OPCML: variants seen among roughly 807,000 people sequenced by gnomAD.
OPCML encodes the protein opioid binding protein/cell adhesion molecule like, also known as opioid-binding protein/cell adhesion molecule.
A neutral mutation model predicts 37.8 loss-of-function variants in OPCML; 13 were observed. The observed-to-expected ratio is 0.34, with a 90% CI of 0.22 to 0.55. OPCML has a LOEUF of 0.55. Among genes scored for constraint, OPCML ranks in the 20% least tolerant of loss-of-function variants. OPCML has a pLI of 0.91. For missense variants in OPCML, 341 were observed against 435.6 expected (o/e 0.78, Z 1.93); for synonymous variants, 176 against 168.8 (o/e 1.04, Z -0.33).
intron 4 of OPCML, among the ~76,000 whole-genome samples, chr11:132,450,092 C>A (rs1008206323): frequency 1.3e-5 from 2 of 152,164 alleles, no homozygotes; most frequent in Non-Finnish European, 2.9e-5. Flanking sequence ...GGTCGTCCTC[C>A]AAAGCACCCT....
At chr11:133,404,978 T>C (rs930180305) in intron 1 of OPCML, among the ~76,000 whole-genome samples, 9 of 152,376 alleles carry the variant, frequency 5.9e-5, no homozygotes, top group African/African-American at 1.7e-4. Flanking sequence ...AGTTTCATTA[T>C]GTCTGTGTAT....
intron 3 of OPCML, among the ~76,000 whole-genome samples, chr11:132,548,770 A>C (rs1184119458): frequency 6.6e-6 from 1 of 152,220 alleles, no homozygotes; most frequent in Non-Finnish European, 1.5e-5. Flanking sequence ...GGTGACAGAT[A>C]GGTGCCTCCT....
chr11:132,481,819 A>T (rs1286865538), intron 4 of OPCML, among the ~76,000 whole-genome samples: 4 of 150,904 alleles, frequency 2.7e-5, no homozygotes, highest in Non-Finnish European at 5.9e-5. Context: ...CTGAATGACT[A>T]CTGGGTACAT....
chr11:132,654,640 T>G (rs913965899), intron 3 of OPCML, among the ~76,000 whole-genome samples: 1 of 148,556 alleles, frequency 6.7e-6, no homozygotes, highest in Non-Finnish European at 1.5e-5. Context: ...CAAGAGAACA[T>G]CATCTCCAAG....
At chr11:133,216,080 T>G (rs1338301015) in intron 1 of OPCML, among the ~76,000 whole-genome samples, 1 of 152,078 alleles carries the variant, frequency 6.6e-6, no homozygotes, top group Admixed American at 6.5e-5. Flanking sequence ...ACAGAATGTG[T>G]GGGTTTCAAG....
intron 1 of OPCML, among the ~76,000 whole-genome samples, chr11:133,304,130 A>T (rs1173648266): frequency 6.6e-6 from 1 of 152,212 alleles, no homozygotes; most frequent in East Asian, 1.9e-4. Flanking sequence ...ACAGTGCTCT[A>T]CATGACTGAA....
intron 1 of OPCML, among the ~76,000 whole-genome samples, chr11:133,478,066 T>C (rs1591544039): frequency 1.3e-5 from 2 of 152,182 alleles, no homozygotes; most frequent in South Asian, 4.1e-4. Flanking sequence ...GAATTAGTAA[T>C]GATAATTATA....
intron 3 of OPCML, among the ~76,000 whole-genome samples, chr11:132,573,860 G>A (rs945462873): frequency 6.6e-6 from 1 of 151,800 alleles, no homozygotes; most frequent in Non-Finnish European, 1.5e-5. Flanking sequence ...TCTGGACCTG[G>A]GCTTTTCTTT....
chr11:132,504,024 G>A (rs1246621409), intron 4 of OPCML, among the ~76,000 whole-genome samples: 2 of 152,104 alleles, frequency 1.3e-5, no homozygotes, highest in Non-Finnish European at 2.9e-5. Flanking sequence ...TATTGAAATA[G>A]AAGACCCAAA....
At chr11:132,978,239 C>G (rs1946506982) in intron 1 of OPCML, among the ~76,000 whole-genome samples, 1 of 152,126 alleles carries the variant, frequency 6.6e-6, no homozygotes, top group African/African-American at 2.4e-5. Flanking sequence ...ATCGTTTGGA[C>G]CAAGCTTGGG....
At chr11:132,524,037 C>T (rs184450986) in intron 4 of OPCML, among the ~76,000 whole-genome samples, 55 of 152,280 alleles carry the variant, frequency 3.6e-4, no homozygotes, top group African/African-American at 1.3e-3. Context: ...CCAAATATGT[C>T]ATGGCAATGG....
intron 2 of OPCML, among the ~76,000 whole-genome samples, chr11:132,815,022 C>G (rs980298554): frequency 2.0e-5 from 3 of 152,158 alleles, no homozygotes; most frequent in Non-Finnish European, 4.4e-5. Flanking sequence ...AGCCATCTTT[C>G]CCCAAAGAGC....
chr11:132,535,000 A>G lies in OPCML; in HGVS notation c.380-5814T>C, dbSNP rs2096336524. 2.7e-5 allele frequency among the ~76,000 whole-genome samples: 4 copies of G among 149,686 alleles called. 1 individual carries two copies. In the South Asian group the frequency reaches 8.4e-4, roughly 31 times the overall value. On this transcript the variant is annotated intron_variant, in intron 3 of 7. Transcript: ENST00000524381. ...AATAAATAAAGCTTACCTTGGAGAT[A>G]TACACACACACATATATATATATAT...
intron 2 of OPCML, among the ~76,000 whole-genome samples, chr11:132,890,782 G>A (rs867137361): frequency 8.7e-5 from 13 of 149,834 alleles, no homozygotes; most frequent in Middle Eastern, 3.4e-3. Flanking sequence ...GCGTGACCCC[G>A]GGAAGCAGAG....
chr11:133,227,467 C>T (rs766839572), intron 1 of OPCML, among the ~76,000 whole-genome samples: 20 of 152,148 alleles, frequency 1.3e-4, no homozygotes, highest in Non-Finnish European at 2.6e-4. Context: ...GGACACGAAT[C>T]CCACACGTCT....
At chr11:133,489,534 T>A (rs1460485039) in intron 1 of OPCML, among the ~76,000 whole-genome samples, 1 of 152,150 alleles carries the variant, frequency 6.6e-6, no homozygotes, top group Non-Finnish European at 1.5e-5. Flanking sequence ...AGATGCTATC[T>A]TACACCAGTC....
chr11:133,311,355 C>T (rs144002746), intron 1 of OPCML, among the ~76,000 whole-genome samples: 106 of 152,240 alleles, frequency 7.0e-4, no homozygotes, highest in Non-Finnish European at 1.3e-3. Context: ...TCTTGTTATG[C>T]AACATAACAG....
intron 3 of OPCML, among the ~76,000 whole-genome samples, chr11:132,541,807 A>G (rs1043332340): frequency 1.2e-4 from 19 of 152,276 alleles, no homozygotes; most frequent in Admixed American, 5.9e-4. Flanking sequence ...AGGTGATCCA[A>G]TGTGCCTGGC....
chr11:133,206,729 C>T lies in OPCML; in HGVS notation c.62-263719G>A, dbSNP rs1939077312. Among the ~76,000 whole-genome samples, 1 of 152,128 alleles carries T rather than the reference C, an allele frequency of 6.6e-6. No individual in the cohort carries two copies. Among genetic ancestry groups the T allele is most frequent in the Admixed American group, 6.5e-5 (1 of 15,272 alleles). ...GGTGTGCTTGTTTACCAGCTGTGAC[C>T]CACTGGTCTAAAATGGAAACAAGAA... On this transcript the variant is annotated intron_variant, in intron 1 of 7. Transcript: ENST00000524381. This position sits in a 1 kb window ranked among gnomAD's most constrained non-coding sequence, Gnocchi z 4.7.
Sources: allele counts gnomAD v4.1 joint callset (sites outside exome capture counted in the v4.1 genomes callset), GRCh38; gene constraint gnomAD v4.1.1; non-coding constraint Gnocchi (gnomAD v3.1); transcripts MANE v1.5; gene names NCBI Gene and HGNC (gene_info 2026-07-23, HGNC 2026-07-21).